The following TBC1D4 variants were observed in gnomAD, a reference collection of about 807,000 sequenced individuals.
The protein encoded by TBC1D4 is TBC1 domain family member 4, also known as TBC (Tre-2, BUB2, CDC16) domain-containing protein.
In TBC1D4, 121 loss-of-function variants were observed where a neutral mutation model predicts 142.5. That is an observed-to-expected ratio of 0.85 (90% confidence interval 0.73 to 0.99). The LOEUF (loss-of-function observed/expected upper bound fraction) is 0.99. TBC1D4 is among the 50% of genes least tolerant of loss of function. The pLI is 0.00. For missense variants in TBC1D4, 1,475 were observed against 1,606.6 expected (o/e 0.92, Z 1.40); for synonymous variants, 630 against 628.2 (o/e 1.00, Z -0.04).
At chr13:75,345,818 T>C (rs186947931) in intron 5 of TBC1D4, among the ~76,000 whole-genome samples, 1 of 151,958 alleles carries the variant, frequency 6.6e-6, no homozygotes, top group Non-Finnish European at 1.5e-5. Context: ...CTACACGGAG[T>C]CCTTTGTATA....
chr13:75,448,535 T>G (rs1188045721), intron 1 of TBC1D4, among the ~76,000 whole-genome samples: 1 of 143,866 alleles, frequency 7.0e-6, no homozygotes, highest in Non-Finnish European at 1.5e-5. Flanking sequence ...ACCATTGTAC[T>G]CCAGCCTGGG....
chr13:75,354,354 G>A (rs1881862617), intron 4 of TBC1D4, among the ~76,000 whole-genome samples: 1 of 152,272 alleles, frequency 6.6e-6, no homozygotes, highest in Middle Eastern at 3.4e-3. Context: ...CCAGTGGCAG[G>A]ACGACTAGTT....
At chr13:75,366,744 G>A (rs1882935246) in intron 1 of TBC1D4, among the ~76,000 whole-genome samples, 1 of 151,580 alleles carries the variant, frequency 6.6e-6, no homozygotes, top group African/African-American at 2.4e-5. Context: ...TCATTAATTG[G>A]TTATCATAGT....
At chr13:75,381,888 C>T (rs1883869553) in intron 1 of TBC1D4, among the ~76,000 whole-genome samples, 1 of 152,142 alleles carries the variant, frequency 6.6e-6, no homozygotes, top group Admixed American at 6.5e-5. Flanking sequence ...CACATGTTTA[C>T]AGTACCAATC....
At chr13:75,327,694 C>T (rs1879381808) in intron 9 of TBC1D4, 58 bp downstream of exon 9, 1 of 1,499,672 alleles carries the variant, frequency 6.7e-7, no homozygotes, top group East Asian at 2.3e-5. Context: ...TGCATATTAC[C>T]ATATCGGTGC....
At chr13:75,402,654 A>ACACAC (rs1885150359) in intron 1 of TBC1D4, among the ~76,000 whole-genome samples, 5 of 142,364 alleles carry the variant, frequency 3.5e-5, no homozygotes, top group South Asian at 4.8e-4. Context: ...ATCCCTAGTA[A>ACACAC]ACACACACAC....
At chr13:75,455,803 C>T (rs1211424274) in intron 1 of TBC1D4, among the ~76,000 whole-genome samples, 1 of 152,120 alleles carries the variant, frequency 6.6e-6, no homozygotes, top group African/African-American at 2.4e-5. Context: ...TATGTAAAGA[C>T]ACAGCCTTGA....
At chr13:75,475,011 T>G (rs1164136024) in intron 1 of TBC1D4, among the ~76,000 whole-genome samples, 2 of 152,168 alleles carry the variant, frequency 1.3e-5, no homozygotes, top group Non-Finnish European at 2.9e-5. Flanking sequence ...CTTCACCCAG[T>G]TACTGTGAAG....
In TBC1D4 at chr13:75,327,826, CCT is replaced by C; in HGVS notation, c.1732-2_1732-1del. 1 of 1,613,750 alleles carries C rather than the reference CCT, an allele frequency of 6.2e-7. No homozygotes were observed. Among genetic ancestry groups the C allele is most frequent in the Non-Finnish European group, 8.5e-7 (1 of 1,179,818 alleles). ...AGCCGACCTCTCATTCTGTTAGCTC[CCT>C]GAGTGAAAAGAATAAAATTAAGTGC... On this transcript the variant is annotated splice_acceptor_variant, in intron 8 of 20. Coordinates refer to ENST00000377636, the MANE Select transcript of TBC1D4 (RefSeq NM_014832.5). LOFTEE classifies it high-confidence loss of function.
At chr13:75,322,664 AC>A (rs1878871793) in intron 11 of TBC1D4, among the ~76,000 whole-genome samples, 1 of 152,216 alleles carries the variant, frequency 6.6e-6, no homozygotes, top group African/African-American at 2.4e-5. Flanking sequence ...CAGGAAGGAA[AC>A]TGGGATTCTC....
At chr13:75,417,952 C>T (rs1438512557) in intron 1 of TBC1D4, among the ~76,000 whole-genome samples, 1 of 152,048 alleles carries the variant, frequency 6.6e-6, no homozygotes, top group Non-Finnish European at 1.5e-5. Context: ...ACTACCACCA[C>T]CATAGGGTTG....
intron 1 of TBC1D4, among the ~76,000 whole-genome samples, chr13:75,417,801 TTTTACC>T (rs1208344917): frequency 1.3e-5 from 2 of 152,190 alleles, no homozygotes; most frequent in Admixed American, 6.5e-5. Context: ...CTGCCTGGCT[TTTTACC>T]TTTTAGTTTC....
At chr13:75,413,015 A>G (rs1316935074) in intron 1 of TBC1D4, among the ~76,000 whole-genome samples, 1 of 152,210 alleles carries the variant, frequency 6.6e-6, no homozygotes, top group African/African-American at 2.4e-5. Flanking sequence ...CTTACCTTCC[A>G]GTGGGGGAAA....
chr13:75,433,319 A>G lies in TBC1D4; in HGVS notation c.498+47951T>C, dbSNP rs149260357. ...AAACCATACTGCCTTACTATGTAGCACTCACTAAGTATGTATGGAAGTAGA... is the reference window on the plus strand; with the variant it reads ...AAACCATACTGCCTTACTATGTAGCGCTCACTAAGTATGTATGGAAGTAGA... On this transcript the variant is annotated intron_variant, in intron 1 of 20. Coordinates refer to ENST00000377636, the MANE Select transcript of TBC1D4 (RefSeq NM_014832.5). Among the ~76,000 whole-genome samples, 318 of 152,242 alleles carry G rather than the reference A, an allele frequency of 2.1e-3. 2 individuals carry two copies. The highest frequency in any genetic ancestry group is 7.2e-3 in the African/African-American group (299 of 41,544).
intron 1 of TBC1D4, among the ~76,000 whole-genome samples, chr13:75,437,411 T>C (rs1886843286): frequency 6.6e-6 from 1 of 152,194 alleles, no homozygotes; most frequent in African/African-American, 2.4e-5. Flanking sequence ...TTTGCAAAAA[T>C]GTTAATGAAT....
rs11434178 is a variant in TBC1D4, at chr13:75,468,532, GA to G, written c.498+12737del. On this transcript the variant is annotated intron_variant, in intron 1 of 20. Transcript: ENST00000377636. ...AACTTCCTATGTTTTGATCAGGAGG[GA>G]AAAAAAAAAGCCCTTCTCAAATTAG... 5.6e-3 allele frequency among the ~76,000 whole-genome samples: 816 copies of G among 146,092 alleles called. 6 individuals carry two copies. Among genetic ancestry groups the G allele is most frequent in the Non-Finnish European group, 7.6e-3 (502 of 66,048 alleles).
chr13:75,344,061 G>C (rs1377487808), intron 5 of TBC1D4, among the ~76,000 whole-genome samples: 1 of 149,220 alleles, frequency 6.7e-6, no homozygotes, highest in Non-Finnish European at 1.5e-5. Flanking sequence ...GGCTGGGCCT[G>C]AACTCCTGAC....
At chr13:75,370,727 C>T (rs1487105306) in intron 1 of TBC1D4, among the ~76,000 whole-genome samples, 2 of 152,124 alleles carry the variant, frequency 1.3e-5, no homozygotes, top group African/African-American at 2.4e-5. Flanking sequence ...AGCTTATAGA[C>T]ATTCAAGAGG....
At position 75,324,260 on chromosome 13, in the gene TBC1D4, G is replaced by T; in HGVS notation, c.2175C>A (p.Ser725=). 1 of 1,613,844 alleles carries T rather than the reference G, an allele frequency of 6.2e-7. No homozygotes were observed. Among genetic ancestry groups the T allele is most frequent in the Non-Finnish European group, 8.5e-7 (1 of 1,179,798 alleles). The stretch of plus-strand genomic sequence containing the variant: ...ACCTGATTTCATTTTCATACTGTGG[G>T]GACAGTCTACCTGAATTCTGGTAAA... The part of the protein sequence containing the change: ...KSFYQNSGRL[S]PQYENEIRQD... Residue 725 remains serine (S), a synonymous_variant, in exon 11 of 21, where the codon TCC becomes TCA. Transcript: ENST00000377636.
Sources: gnomAD v4.1 joint callset for allele counts (sites outside exome capture counted in the v4.1 genomes callset) on GRCh38, gnomAD v4.1.1 for gene constraint, MANE v1.5 for transcripts, NCBI Gene and HGNC (gene_info 2026-07-23, HGNC 2026-07-21) for gene names.